Variants in MYCBP2 observed in about 807,000 individuals in gnomAD.
MYCBP2 encodes the protein E3 ubiquitin-protein ligase MYCBP2.
Under a neutral mutation model 525.3 loss-of-function variants are expected in MYCBP2, and 120 were observed. The ratio of observed to expected loss-of-function variants is 0.23; its 90% confidence interval spans 0.20 to 0.27. The LOEUF (loss-of-function observed/expected upper bound fraction) is 0.27. MYCBP2 is among the 10% of genes least tolerant of loss of function. MYCBP2 has a pLI of 1.00. For synonymous variants in MYCBP2, 1,894 were observed against 1,955.8 expected, an observed-to-expected ratio of 0.97 and a Z score of 0.83; for missense variants, 4,149 against 5,657.1, an observed-to-expected ratio of 0.73 and a Z score of 8.55.
In MYCBP2 at chr13:77,270,199, T is replaced by C. The variant is rs2074683144; in HGVS notation, c.1188+97A>G. 9.0e-6 allele frequency: 13 copies of C among 1,445,898 alleles called. No homozygotes were observed. The South Asian group carries it at 1.7e-4, about 19-fold the overall frequency. The allele number at this position is 1,445,898 out of a possible 1,614,324, so 89.6% of individuals were successfully genotyped here. ...CAAATAAATATTATTACACTAAAAT[T>C]AGATCATATTCTAGAAATGAAACTA... On this transcript the variant is annotated intron_variant, in intron 6 of 82. Transcript: ENST00000544440.
intron 15 of MYCBP2, 101 bp downstream of exon 15, chr13:77,251,050 G>T: frequency 1.0e-6 from 1 of 981,328 alleles, no homozygotes; most frequent in Non-Finnish European, 1.5e-6. Context: ...GATGCCACTG[G>T]TCTTTAAGAA....
rs59026944 is a variant in MYCBP2, at chr13:77,284,753, C to T, written c.594+3408G>A. Among the ~76,000 whole-genome samples, 10 of 152,200 alleles carry T rather than the reference C, an allele frequency of 6.6e-5. No homozygotes were observed. The East Asian group carries it at 1.3e-3, about 21-fold the overall frequency. ...ACTTACAACTATATATATCATTTAC[C>T]GAGCACTTCTTTCTGCCAGGTACTG... On this transcript the variant is annotated intron_variant, in intron 3 of 82. Coordinates refer to ENST00000544440, the MANE Select transcript of MYCBP2 (RefSeq NM_015057.5).
At chr13:77,059,302 T>C (rs2038825244) in intron 77 of MYCBP2, among the ~76,000 whole-genome samples, 1 of 152,218 alleles carries the variant, frequency 6.6e-6, no homozygotes, top group Non-Finnish European at 1.5e-5. Flanking sequence ...TAAATACATA[T>C]GATCATGGTA....
chr13:77,119,695 G>C (rs2050358792), intron 55 of MYCBP2, among the ~76,000 whole-genome samples: 1 of 152,116 alleles, frequency 6.6e-6, no homozygotes, highest in African/African-American at 2.4e-5. Flanking sequence ...TTAAAAGCTT[G>C]TTAACAAGAG....
At chr13:77,321,360 AT>A (rs2081589171) in intron 1 of MYCBP2, among the ~76,000 whole-genome samples, 1 of 152,228 alleles carries the variant, frequency 6.6e-6, no homozygotes, top group Admixed American at 6.5e-5. Flanking sequence ...ACTATACAGG[AT>A]TCCACTGATA....
chr13:77,323,029 AAAAC>A (rs778083201), intron 1 of MYCBP2, among the ~76,000 whole-genome samples: 9 of 152,330 alleles, frequency 5.9e-5, no homozygotes, highest in East Asian at 3.9e-4. Flanking sequence ...ATTCTCAGCA[AAAAC>A]AAACAGACAA....
chr13:77,201,590 A>AT (rs1294653636), intron 26 of MYCBP2, among the ~76,000 whole-genome samples: 14 of 150,978 alleles, frequency 9.3e-5, no homozygotes, highest in African/African-American at 3.4e-4. Flanking sequence ...CAGAATATAC[A>AT]TTTTTTTCAG....
chr13:77,202,614 T>G (rs991207577), intron 26 of MYCBP2, among the ~76,000 whole-genome samples: 3 of 151,662 alleles, frequency 2.0e-5, no homozygotes, highest in African/African-American at 7.3e-5. Context: ...TAGACCAATA[T>G]CCTTGATGAA....
chr13:77,083,301 C>A, intron 62 of MYCBP2, 109 bp from the exon 63 acceptor site: 1 of 927,994 alleles, frequency 1.1e-6, no homozygotes. Context: ...GAAATACAAA[C>A]AACAAAACCA....
chr13:77,096,530 T>C (rs1273751458), intron 56 of MYCBP2, 49 bp from the exon 57 acceptor site: 3 of 1,591,298 alleles, frequency 1.9e-6, no homozygotes, highest in Non-Finnish European at 1.7e-6. Flanking sequence ...GTGTCCTTAA[T>C]AGTTTGATCC....
At chr13:77,202,350 G>C (rs1224074298) in intron 26 of MYCBP2, among the ~76,000 whole-genome samples, 1 of 152,174 alleles carries the variant, frequency 6.6e-6, no homozygotes, top group Non-Finnish European at 1.5e-5. Context: ...CCAGGAAGAA[G>C]TTGAATCTCT....
At chr13:77,188,524 A>G (rs2060972945) in intron 30 of MYCBP2, among the ~76,000 whole-genome samples, 1 of 152,122 alleles carries the variant, frequency 6.6e-6, no homozygotes, top group African/African-American at 2.4e-5. Context: ...GTGCTTCTTC[A>G]TGTGTACAAT....
At chr13:77,209,922 T>C (rs2063774742) in intron 23 of MYCBP2, among the ~76,000 whole-genome samples, 1 of 152,352 alleles carries the variant, frequency 6.6e-6, no homozygotes, top group South Asian at 2.1e-4. Context: ...TGCTACCACA[T>C]GGCCTCTTAG....
chr13:77,235,944 G>C (rs1199468482), intron 17 of MYCBP2, among the ~76,000 whole-genome samples: 1 of 152,102 alleles, frequency 6.6e-6, no homozygotes, highest in Non-Finnish European at 1.5e-5. Context: ...TGAGAATAGA[G>C]AGAGATGAGG....
chr13:77,326,073 T>A lies in MYCBP2; in HGVS notation c.302+401A>T, dbSNP rs1170685947. ...AGAGACACTGAAAACGCCACTTCCC[T>A]TGCCACTGTTGCAATTCTCTTCGTG... On this transcript the variant is annotated intron_variant, in intron 1 of 82. Coordinates refer to ENST00000544440, the MANE Select transcript of MYCBP2 (RefSeq NM_015057.5). The surrounding 1 kb of genome is among the most constrained non-coding windows in gnomAD (Gnocchi z 4.2). Among the ~76,000 whole-genome samples the A allele has an allele frequency of 6.6e-6, 1 of 152,034 alleles. No homozygotes were observed. The highest frequency in any genetic ancestry group is 1.5e-5 in the Non-Finnish European group (1 of 68,006).
At chr13:77,094,014 G>A (rs2045850221) in intron 58 of MYCBP2, among the ~76,000 whole-genome samples, 1 of 152,126 alleles carries the variant, frequency 6.6e-6, no homozygotes, top group African/African-American at 2.4e-5. Flanking sequence ...TGAGTGGTGT[G>A]ATTCACACTA....
At chr13:77,169,141 G>C (rs2058850044) in intron 39 of MYCBP2, among the ~76,000 whole-genome samples, 1 of 152,176 alleles carries the variant, frequency 6.6e-6, no homozygotes, top group African/African-American at 2.4e-5. Context: ...GGGCGCGGTG[G>C]CTCACGCCTG....
chr13:77,300,542 T>C (rs1334198817), intron 1 of MYCBP2, among the ~76,000 whole-genome samples: 1 of 152,220 alleles, frequency 6.6e-6, no homozygotes. Flanking sequence ...GCCTCATTGG[T>C]CTGTGGGTCT....
rs1053978028 is a variant in MYCBP2 at position 77,069,823 on chromosome 13, G to A, written c.11904+808C>T. On this transcript the variant is annotated intron_variant, in intron 69 of 82. Coordinates refer to ENST00000544440, the MANE Select transcript of MYCBP2 (RefSeq NM_015057.5). ...GCGGAGCTTGCAGTGGGCCGAGATC[G>A]CACCACTGCACTCCAGCCTGGGCAA... Among the ~76,000 whole-genome samples, 6 of 151,118 alleles carry A rather than the reference G, an allele frequency of 4.0e-5. No individual in the cohort carries two copies. The South Asian group carries it at 1.0e-3, about 26-fold the overall frequency.
Sources: gnomAD v4.1 joint callset for allele counts (sites outside exome capture counted in the v4.1 genomes callset) on GRCh38, gnomAD v4.1.1 for gene constraint, Gnocchi (gnomAD v3.1) non-coding constraint, MANE v1.5 for transcripts, NCBI Gene and HGNC (gene_info 2026-07-23, HGNC 2026-07-21) for gene names.